Variants in PRDM16 observed in about 807,000 individuals in gnomAD.
PRDM16 encodes PR/SET domain 16, also known as histone-lysine N-methyltransferase PRDM16.
In PRDM16, 23 loss-of-function variants were observed where a neutral mutation model predicts 110.6. The ratio of observed to expected loss-of-function variants is 0.21; its 90% CI spans 0.15 to 0.29. The LOEUF is 0.29. PRDM16 is among the 10% of genes least tolerant of loss of function. The pLI is 1.00. For synonymous variants in PRDM16, 799 were observed against 781.8 expected (o/e 1.02, Z -0.37); for missense variants, 1,615 against 1,794.3 (o/e 0.90, Z 1.81).
intron 3 of PRDM16, among the ~76,000 whole-genome samples, chr1:3,300,287 G>A (rs535474197): frequency 5.6e-4 from 60 of 106,514 alleles, no homozygotes; most frequent in African/African-American, 1.7e-3. Flanking sequence ...TGATGTTTCC[G>A]ATCCCAGTCG....
chr1:3,082,244 C>T (rs1481876955), intron 1 of PRDM16, among the ~76,000 whole-genome samples: 1 of 152,220 alleles, frequency 6.6e-6, no homozygotes, highest in Non-Finnish European at 1.5e-5. Flanking sequence ...CAGTCAGGCC[C>T]TGTGTGGTCT....
At chr1:3,110,441 GAC>G (rs1443871348) in intron 1 of PRDM16, among the ~76,000 whole-genome samples, 5 of 139,274 alleles carry the variant, frequency 3.6e-5, no homozygotes, top group African/African-American at 1.4e-4. Context: ...TGGGTGTGCA[GAC>G]ACAGTGCTCA....
intron 3 of PRDM16, among the ~76,000 whole-genome samples, chr1:3,367,456 G>C (rs1034639992): frequency 2.6e-5 from 4 of 152,206 alleles, no homozygotes; most frequent in Admixed American, 6.5e-5. Context: ...CTGTGGTTGA[G>C]CCAGGTGGGG....
Position 3,412,442 on chromosome 1 carries a change from T to C in PRDM16, c.2245T>C (p.Leu749=), listed in dbSNP as rs2100664361. 6.2e-7 allele frequency: 1 copy of C among 1,612,060 alleles called. No homozygotes were observed. Among genetic ancestry groups the C allele is most frequent in the African/African-American group, 1.3e-5 (1 of 74,702 alleles). The change falls in exon 9 of 17, where the codon TTG becomes CTG. Residue 749 remains leucine, a synonymous_variant. Coordinates refer to ENST00000270722, the MANE Select transcript of PRDM16 (RefSeq NM_022114.4). The part of the protein sequence containing the change: ...PFTDRALAHN[L]LVKAEPKSPR... ...CACGGACCGAGCCCTCGCCCACAAC[T>C]TGCTGGTCAAGGCCGAGCCAAAGTC...
intron 1 of PRDM16, among the ~76,000 whole-genome samples, chr1:3,102,544 A>C (rs368884983): frequency 1.3e-5 from 2 of 152,300 alleles, no homozygotes; most frequent in East Asian, 3.9e-4. Flanking sequence ...CTGGATCTGA[A>C]GTGTCCTGCA....
intron 1 of PRDM16, among the ~76,000 whole-genome samples, chr1:3,095,985 C>G (rs192757046): frequency 5.3e-5 from 8 of 152,250 alleles, no homozygotes; most frequent in Non-Finnish European, 1.0e-4. Context: ...TCTCCTCCTC[C>G]AAACGGCTCA....
At chr1:3,215,198 C>A (rs1358254345) in intron 2 of PRDM16, among the ~76,000 whole-genome samples, 2 of 152,226 alleles carry the variant, frequency 1.3e-5, no homozygotes, top group Non-Finnish European at 2.9e-5. Context: ...AAGAAGTCCA[C>A]TCCTACTGCT....
chr1:3,252,460 TCA>T (rs1639955589), intron 3 of PRDM16, among the ~76,000 whole-genome samples: 1 of 148,626 alleles, frequency 6.7e-6, no homozygotes, highest in Admixed American at 7.1e-5. Flanking sequence ...AGTGAGGGCC[TCA>T]TGTGCCCAGT....
rs201769516 is a variant in PRDM16 at position 3,411,994 on chromosome 1, G to C, written c.1797G>C (p.Ser599=). ...TGAAGACCAGGAGCAGCGACATGTC[G>C]GACGGCAGTGACTTTGAGGACGTCA... is the stretch of plus-strand genomic sequence containing the variant. ...EKLKTRSSDM[S]DGSDFEDVNT... Residue 599 remains serine (S), a synonymous_variant, in exon 9 of 17, where the codon TCG becomes TCC. Coordinates refer to ENST00000270722, the MANE Select transcript of PRDM16 (RefSeq NM_022114.4). The C allele has an allele frequency of 1.2e-6, 2 of 1,613,612 alleles. No homozygotes were observed. The highest frequency in any genetic ancestry group is 3.3e-5 in the Admixed American group (2 of 60,022).
In PRDM16 at chr1:3,194,847, G is replaced by A. The variant is rs2651911; in HGVS notation, c.387+8373G>A. On this transcript the variant is annotated intron_variant, in intron 2 of 16. Coordinates refer to ENST00000270722, the MANE Select transcript of PRDM16 (RefSeq NM_022114.4). ...TTCTCTCCAAGGTTCCCAGATGCACGCTCCACTGCCCACACCACCCCCACG... is the reference window on the plus strand; with the variant it reads ...TTCTCTCCAAGGTTCCCAGATGCACACTCCACTGCCCACACCACCCCCACG... 1.2e-3 allele frequency among the ~76,000 whole-genome samples: 188 copies of A among 152,274 alleles called. 1 individual carries two copies. Among genetic ancestry groups the A allele is most frequent in the African/African-American group, 3.9e-3 (163 of 41,556 alleles).
intron 3 of PRDM16, among the ~76,000 whole-genome samples, chr1:3,301,437 A>G (rs2100390529): frequency 6.6e-6 from 1 of 151,914 alleles, no homozygotes; most frequent in Admixed American, 6.6e-5. Context: ...GTAGTTGGGG[A>G]TATGTGCTTT....
chr1:3,116,170 G>A (rs556365403), intron 1 of PRDM16, among the ~76,000 whole-genome samples: 8 of 152,292 alleles, frequency 5.3e-5, no homozygotes, highest in South Asian at 2.1e-4. Flanking sequence ...ACTGGTGGCC[G>A]TTGAATTGTT....
intron 1 of PRDM16, among the ~76,000 whole-genome samples, chr1:3,172,194 C>T (rs1644033587): frequency 6.6e-6 from 1 of 152,148 alleles, no homozygotes; most frequent in Non-Finnish European, 1.5e-5. Flanking sequence ...TGAACGTCCC[C>T]CACGGTCTTC....
rs1639755995 is a variant in PRDM16, at chr1:3,244,959, T to C, written c.438+822T>C. ...CTCCTATTTTTTGGGGGGGGGTTTC[T>C]AGTAAAATTAAAGTAACAGTCTCTC... is the stretch of plus-strand genomic sequence containing the variant. On this transcript the variant is annotated intron_variant, in intron 3 of 16. Transcript: ENST00000270722. This position sits in a 1 kb window ranked among gnomAD's most constrained non-coding sequence, Gnocchi z 4.1. Among the ~76,000 whole-genome samples the C allele has an allele frequency of 6.6e-6, 1 of 152,186 alleles. No homozygotes were observed. Among genetic ancestry groups the C allele is most frequent in the African/African-American group, 2.4e-5 (1 of 41,440 alleles).
rs1638863483 is a variant in PRDM16 at position 3,434,804 on chromosome 1, GC to G, written c.*995del. 4.3e-6 allele frequency: 1 copy of G among 232,276 alleles called. No individual in the cohort carries two copies. Among genetic ancestry groups the G allele is most frequent in the East Asian group, 6.1e-5 (1 of 16,476 alleles). The allele number at this position is 232,276 out of a possible 1,614,324, so 14.4% of individuals were successfully genotyped here. On this transcript the variant is annotated 3_prime_UTR_variant, in exon 17 of 17. Transcript: ENST00000270722. The stretch of plus-strand genomic sequence containing the variant: ...CCTTCCCTCCTCTGTCCCTGCCTCG[GC>G]CACCCCACGCGGGAACCCAGCGCCG...
chr1:3,102,296 T>G (rs1642552589), intron 1 of PRDM16, among the ~76,000 whole-genome samples: 1 of 152,138 alleles, frequency 6.6e-6, no homozygotes, highest in African/African-American at 2.4e-5. Flanking sequence ...GGCTACCTCC[T>G]AGCTGTCCCC....
At chr1:3,311,355 G>C (rs557720145) in intron 3 of PRDM16, among the ~76,000 whole-genome samples, 2 of 152,154 alleles carry the variant, frequency 1.3e-5, no homozygotes, top group Admixed American at 1.3e-4. Context: ...GAGGTTCTTG[G>C]GTGGGATCTT....
At chr1:3,165,697 GGACTCACCTGGGCTCAGGGACAGT>G (rs1557496015) in intron 1 of PRDM16, among the ~76,000 whole-genome samples, 6 of 60,728 alleles carry the variant, frequency 9.9e-5, no homozygotes, top group Admixed American at 1.7e-4. Flanking sequence ...CCAGGGACAG[GGACTCACCTGGGCTCAGGGACAGT>G]GACTCACCTG....
chr1:3,337,691 C>T (rs1239085958), intron 3 of PRDM16, among the ~76,000 whole-genome samples: 1 of 152,172 alleles, frequency 6.6e-6, no homozygotes, highest in Non-Finnish European at 1.5e-5. Flanking sequence ...GGCTGGCTTT[C>T]CCTTGGTGTG....
Sources: allele counts gnomAD v4.1 joint callset (sites outside exome capture counted in the v4.1 genomes callset), GRCh38; gene constraint gnomAD v4.1.1; non-coding constraint Gnocchi (gnomAD v3.1); transcripts MANE v1.5; gene names NCBI Gene and HGNC (gene_info 2026-07-23, HGNC 2026-07-21).